The following SLC6A15 variants were observed in gnomAD, a reference collection of about 807,000 sequenced individuals.
SLC6A15 encodes solute carrier family 6 member 15.
A neutral mutation model predicts 68.5 loss-of-function variants in SLC6A15; 33 were observed. The observed-to-expected ratio is 0.48, with a 90% CI of 0.37 to 0.64. The LOEUF (loss-of-function observed/expected upper bound fraction) is 0.64. Ranked by LOEUF, SLC6A15 falls within the 30% of genes least tolerant of loss-of-function variation. The pLI, the probability that SLC6A15 is intolerant of heterozygous loss-of-function variation, is 0.00. For synonymous variants in SLC6A15, 347 were observed against 301.0 expected, an observed-to-expected ratio of 1.15 and a Z score of -1.58; for missense variants, 747 against 874.3, an observed-to-expected ratio of 0.85 and a Z score of 1.84.
chr12:84,901,034 GCA>G (rs1435975076), intron 1 of SLC6A15, among the ~76,000 whole-genome samples: 3 of 130,506 alleles, frequency 2.3e-5, no homozygotes, highest in Non-Finnish European at 3.3e-5. Flanking sequence ...ATGTATATAT[GCA>G]TACACATATA....
At chr12:84,863,053 A>C (rs572527543) in intron 11 of SLC6A15, among the ~76,000 whole-genome samples, 1 of 152,254 alleles carries the variant, frequency 6.6e-6, no homozygotes, top group African/African-American at 2.4e-5. Context: ...GGCCTCCAAA[A>C]GTGTTGGGAT....
intron 6 of SLC6A15, among the ~76,000 whole-genome samples, chr12:84,875,088 G>A (rs984342318): frequency 6.6e-6 from 1 of 152,038 alleles, no homozygotes; most frequent in Non-Finnish European, 1.5e-5. Flanking sequence ...AAAATATCTA[G>A]CTAAATCAAA....
chr12:84,867,875 GA>G (rs1324225512), intron 9 of SLC6A15: 1 of 152,142 alleles, frequency 6.6e-6, no homozygotes, highest in Non-Finnish European at 1.5e-5. Context: ...CTAAGAAACA[GA>G]TGCATAAATT....
intron 5 of SLC6A15, chr12:84,882,987 T>C: frequency 1.0e-6 from 1 of 980,284 alleles, no homozygotes; most frequent in Non-Finnish European, 1.2e-6. Context: ...TTCCTGCTAG[T>C]ATATGATGAT....
intron 2 of SLC6A15, among the ~76,000 whole-genome samples, chr12:84,889,098 G>A (rs553478355): frequency 6.6e-6 from 1 of 152,166 alleles, no homozygotes; most frequent in Non-Finnish European, 1.5e-5. Flanking sequence ...GAACAGACAG[G>A]ACTTGCTGGG....
intron 6 of SLC6A15, among the ~76,000 whole-genome samples, chr12:84,873,636 AT>A (rs1298459815): frequency 6.6e-6 from 1 of 152,212 alleles, no homozygotes; most frequent in Non-Finnish European, 1.5e-5. Context: ...AGAAAAATTA[AT>A]TATCCTCAAT....
At chr12:84,901,467 T>G (rs1872874632) in intron 1 of SLC6A15, among the ~76,000 whole-genome samples, 1 of 151,930 alleles carries the variant, frequency 6.6e-6, no homozygotes, top group South Asian at 2.1e-4. Context: ...TTACTGATAT[T>G]GGTAATAGGT....
chr12:84,885,406 A>T, intron 4 of SLC6A15, 29 bp downstream of exon 4: 1 of 1,560,340 alleles, frequency 6.4e-7, no homozygotes. Context: ...ATGCTTAAAT[A>T]CCAAAACACT....
chr12:84,881,759 C>G (rs1003266968), intron 5 of SLC6A15: 4 of 898,532 alleles, frequency 4.5e-6, no homozygotes, highest in Non-Finnish European at 5.3e-6. Context: ...TATTTGGAGG[C>G]ATTTTCTGTT....
At chr12:84,901,851 A>G (rs544560869) in intron 1 of SLC6A15, among the ~76,000 whole-genome samples, 1 of 152,004 alleles carries the variant, frequency 6.6e-6, no homozygotes, top group Non-Finnish European at 1.5e-5. Context: ...ATTTAAATAC[A>G]AACTAATTTG....
chr12:84,863,792 A>C (rs1380200768), intron 10 of SLC6A15, among the ~76,000 whole-genome samples, 191 bp from the exon 11 acceptor site: 1 of 152,080 alleles, frequency 6.6e-6, no homozygotes, highest in Non-Finnish European at 1.5e-5. Flanking sequence ...ATTTTTATTT[A>C]GGGAAAGCTC....
chr12:84,874,941 A>G (rs1330974434), intron 6 of SLC6A15, among the ~76,000 whole-genome samples: 1 of 152,200 alleles, frequency 6.6e-6, no homozygotes, highest in African/African-American at 2.4e-5. Context: ...AGTCTTATCA[A>G]CACTCAATGA....
At position 84,876,497 on chromosome 12, in the gene SLC6A15, C is replaced by T. The variant is rs1053340298; in HGVS notation, c.867G>A (p.Lys289=). 5 of 1,520,268 alleles carry T rather than the reference C, an allele frequency of 3.3e-6. No individual in the cohort carries two copies. The highest frequency in any genetic ancestry group is 4.5e-6 in the Non-Finnish European group (5 of 1,108,442). The allele number at this position is 1,520,268 out of a possible 1,614,324, so 94.2% of individuals were successfully genotyped here. ...CCTTAAATAGAAATATGGTACATAC[C>T]TTAGGGGTAAACATGTGGCGAATGC... ...IDGIRHMFTP[K]LEIMLEPKVW... is the part of the protein sequence containing the mutation. The change falls in exon 6 of 12, where the codon AAG becomes AAA. Residue 289 remains lysine (K), a splice_region_variant and synonymous_variant. Coordinates refer to ENST00000266682, the MANE Select transcript of SLC6A15 (RefSeq NM_182767.6).
At position 84,864,056 on chromosome 12, in the gene SLC6A15, ATAAT is replaced by A. The variant is rs77101301; in HGVS notation, c.1656-459_1656-456del. On this transcript the variant is annotated intron_variant, in intron 10 of 11. Transcript: ENST00000266682. ...TATCAAGGAATTATTACTTTTAGTA[ATAAT>A]TACTTATTAGTAAATAATTTTACTA... Among the ~76,000 whole-genome samples, 557 of 150,922 alleles carry A rather than the reference ATAAT, an allele frequency of 3.7e-3. 1 individual carries two copies. Among genetic ancestry groups the A allele is most frequent in the Non-Finnish European group, 4.5e-3 (302 of 67,710 alleles).
At chr12:84,879,515 G>A (rs938064092) in intron 5 of SLC6A15, among the ~76,000 whole-genome samples, 6 of 151,592 alleles carry the variant, frequency 4.0e-5, no homozygotes, top group Non-Finnish European at 8.9e-5. Context: ...TAGTAGAGAC[G>A]GAGTTTCACC....
intron 2 of SLC6A15, among the ~76,000 whole-genome samples, chr12:84,889,126 A>G (rs560890810): frequency 5.9e-5 from 9 of 152,022 alleles, no homozygotes; most frequent in Non-Finnish European, 8.8e-5. Flanking sequence ...CCTTTAGTCT[A>G]TTCTCACTAG....
intron 2 of SLC6A15, among the ~76,000 whole-genome samples, chr12:84,889,885 G>A (rs1320504322): frequency 6.6e-6 from 1 of 151,942 alleles, no homozygotes; most frequent in East Asian, 1.9e-4. Context: ...CACCTACTTC[G>A]CCTAACCATT....
intron 5 of SLC6A15, chr12:84,882,118 G>T: frequency 1.0e-6 from 1 of 985,382 alleles, no homozygotes; most frequent in Non-Finnish European, 1.2e-6. Context: ...CTAAGACACA[G>T]ACTAAGAAGA....
intron 2 of SLC6A15, among the ~76,000 whole-genome samples, chr12:84,888,741 C>T (rs1872239232): frequency 6.6e-6 from 1 of 152,158 alleles, no homozygotes; most frequent in Non-Finnish European, 1.5e-5. Flanking sequence ...CAAAAATCCA[C>T]TTCTACTCCA....
Sources: allele counts gnomAD v4.1 joint callset (sites outside exome capture counted in the v4.1 genomes callset), GRCh38; gene constraint gnomAD v4.1.1; transcripts MANE v1.5; gene names NCBI Gene and HGNC (gene_info 2026-07-23, HGNC 2026-07-21).